The following MGST1 variants were observed in gnomAD, a reference collection of about 807,000 sequenced individuals.
The protein encoded by MGST1 is microsomal glutathione S-transferase 1.
In MGST1, 5 loss-of-function variants were observed where a neutral mutation model predicts 8.9. The observed-to-expected ratio is 0.56, with a 90% CI of 0.29 to 1.19. MGST1 has a LOEUF of 1.19. MGST1 is among the 50% of genes most tolerant of loss of function. MGST1 has a pLI of 0.08. For missense variants in MGST1, 182 were observed against 187.4 expected (o/e 0.97, Z 0.17); for synonymous variants, 54 against 67.8 (o/e 0.80, Z 1.00).
At chr12:16,520,923 G>T (rs997046053) in intron 4 of MGST1, among the ~76,000 whole-genome samples, 1 of 152,064 alleles carries the variant, frequency 6.6e-6, no homozygotes, top group Non-Finnish European at 1.5e-5. Context: ...CTTGGTGAAG[G>T]TCACTTTAAA....
At chr12:16,383,778 A>C (rs2137044307) in intron 1 of MGST1, among the ~76,000 whole-genome samples, 1 of 152,286 alleles carries the variant, frequency 6.6e-6, no homozygotes, top group South Asian at 2.1e-4. Context: ...TCTTTCTTAA[A>C]GTTTGTGTTA....
At position 16,401,646 on chromosome 12, in the gene MGST1, A is replaced by C; in HGVS notation, n.778+18042A>C. 6.3e-7 allele frequency: 1 copy of C among 1,598,922 alleles called. No homozygotes were observed. ...ATACATGTGATTCTTGTCACTCACCACACTGAACTTGAGATTATAGTTGCC... is the reference window on the plus strand; with the variant it reads ...ATACATGTGATTCTTGTCACTCACCCCACTGAACTTGAGATTATAGTTGCC... On this transcript the variant is annotated intron_variant and non_coding_transcript_variant, in intron 1 of 1. Transcript: ENST00000359720. This position sits in a 1 kb window ranked among gnomAD's most constrained non-coding sequence, Gnocchi z 4.3.
At chr12:16,475,960 GA>G (rs796973337) in intron 4 of MGST1, among the ~76,000 whole-genome samples, 153 of 140,328 alleles carry the variant, frequency 1.1e-3, no homozygotes, top group African/African-American at 1.9e-3. Context: ...CGTCTGAAAA[GA>G]AAAAAAAAAA....
In MGST1 at chr12:16,357,647, G is replaced by A; in HGVS notation, c.169G>A (p.Glu57Lys). The change falls in exon 3 of 4, where the codon GAA becomes AAA. Residue 57 changes from glutamate to lysine, a missense_variant. Transcript: ENST00000396210. ...AGACTGTGTAGCATTTGGCAAAGGA[G>A]AAAATGCCAAGAAGTATCTTCGAAC... is the stretch of plus-strand genomic sequence containing the variant. ...PEDCVAFGKG[E>K]NAKKYLRTDD... The A allele has an allele frequency of 6.2e-7, 1 of 1,614,004 alleles. No individual in the cohort carries two copies. Among genetic ancestry groups the A allele is most frequent in the Non-Finnish European group, 8.5e-7 (1 of 1,179,954 alleles).
At chr12:16,435,682 G>A (rs774149842) in intron 1 of MGST1, among the ~76,000 whole-genome samples, 2 of 151,876 alleles carry the variant, frequency 1.3e-5, no homozygotes, top group Non-Finnish European at 2.9e-5. Flanking sequence ...TCAAATCACA[G>A]CTATAATTCT....
At chr12:16,534,942 T>C (rs1051321133) in intron 4 of MGST1, among the ~76,000 whole-genome samples, 1 of 152,140 alleles carries the variant, frequency 6.6e-6, no homozygotes, top group Non-Finnish European at 1.5e-5. Context: ...GGAGAGATGG[T>C]TCTCGGGTGC....
chr12:16,591,749 A>C (rs966417431), downstream of MGST1, among the ~76,000 whole-genome samples: 6 of 152,074 alleles, frequency 3.9e-5, no homozygotes, highest in African/African-American at 9.7e-5. This position sits in a 1 kb window ranked among gnomAD's most constrained non-coding sequence, Gnocchi z 4.1. Context: ...GAAAGTTACA[A>C]GCTAAGTCTG....
Position 16,358,221 on chromosome 12 carries a change from G to T in MGST1, c.221+522G>T, listed in dbSNP as rs146983997. Among the ~76,000 whole-genome samples the T allele has an allele frequency of 1.9e-3, 288 of 152,232 alleles. 2 individuals carry two copies. The highest frequency in any genetic ancestry group is 0.016 in the Admixed American group (247 of 15,278). ...AGCAATAAGCCAAGATACGACTGGG[G>T]TATGATTGTTCCTATCACCCAGGTA... On this transcript the variant is annotated intron_variant, in intron 3 of 3. Transcript: ENST00000396210.
Position 16,576,979 on chromosome 12 carries a change from C to T in MGST1, n.483-12549C>T, listed in dbSNP as rs1345224199. On this transcript the variant is annotated intron_variant and non_coding_transcript_variant, in intron 4 of 4. Transcript: ENST00000538857. This position sits in a 1 kb window ranked among gnomAD's most constrained non-coding sequence, Gnocchi z 4.1. The stretch of plus-strand genomic sequence containing the variant: ...GCAAAGCTATATGAGTAAAACTACA[C>T]TGGAAGCTTGCTAGGCAACATGAGA... Among the ~76,000 whole-genome samples, 1 of 152,188 alleles carries T rather than the reference C, an allele frequency of 6.6e-6. No individual in the cohort carries two copies. The highest frequency in any genetic ancestry group is 1.5e-5 in the Non-Finnish European group (1 of 68,024).
At chr12:16,396,047 T>G (rs1284194883) in intron 1 of MGST1, among the ~76,000 whole-genome samples, 1 of 152,124 alleles carries the variant, frequency 6.6e-6, no homozygotes, top group Non-Finnish European at 1.5e-5. Context: ...CCATAGTGTT[T>G]GTACTAGTTT....
chr12:16,591,265 T>C (rs773017849), downstream of MGST1, among the ~76,000 whole-genome samples: 3 of 151,966 alleles, frequency 2.0e-5, no homozygotes, highest in Non-Finnish European at 2.9e-5. This position sits in a 1 kb window ranked among gnomAD's most constrained non-coding sequence, Gnocchi z 4.1. Flanking sequence ...TCAGGGCCTT[T>C]GTACTGGATG....
chr12:16,491,383 C>T (rs557958219), intron 4 of MGST1, among the ~76,000 whole-genome samples: 2 of 152,146 alleles, frequency 1.3e-5, no homozygotes, highest in African/African-American at 4.8e-5. Flanking sequence ...GCCTAATGGC[C>T]GAGACATAGA....
At chr12:16,451,758 A>G (rs1941131300) in intron 4 of MGST1, among the ~76,000 whole-genome samples, 1 of 151,868 alleles carries the variant, frequency 6.6e-6, no homozygotes, top group African/African-American at 2.4e-5. Context: ...ATGTAATATT[A>G]TTGCATATCT....
At chr12:16,443,690 A>C (rs1941056336), downstream of MGST1, among the ~76,000 whole-genome samples, 1 of 151,906 alleles carries the variant, frequency 6.6e-6, no homozygotes, top group Admixed American at 6.6e-5. Flanking sequence ...ATGGAAGAAA[A>C]TAACTCCCAA....
intron 4 of MGST1, among the ~76,000 whole-genome samples, chr12:16,473,723 G>C (rs1389880646): frequency 6.6e-6 from 1 of 151,914 alleles, no homozygotes. Flanking sequence ...TTGCAAATCA[G>C]TCTCATCACT....
chr12:16,404,690 G>A (rs779833579), intron 1 of MGST1, among the ~76,000 whole-genome samples: 12 of 151,960 alleles, frequency 7.9e-5, no homozygotes, highest in Admixed American at 3.9e-4. Context: ...CCCTATTTTT[G>A]TGTTATTGTC....
At chr12:16,492,198 A>G (rs745691030) in intron 4 of MGST1, among the ~76,000 whole-genome samples, 1 of 152,188 alleles carries the variant, frequency 6.6e-6, no homozygotes, top group African/African-American at 2.4e-5. Flanking sequence ...TTGGTTTCTT[A>G]TTAAGCAAAT....
chr12:16,566,524 ATATGTACC>A (rs1464731961), intron 4 of MGST1, among the ~76,000 whole-genome samples: 4 of 152,166 alleles, frequency 2.6e-5, no homozygotes, highest in African/African-American at 9.7e-5. Context: ...TACCCTAGAA[ATATGTACC>A]ATTATAAGGT....
intron 4 of MGST1, among the ~76,000 whole-genome samples, chr12:16,565,983 CATATATATATATATAT>C (rs61358392): frequency 0.066 from 2,894 of 43,596 alleles, 198 homozygotes; most frequent in Non-Finnish European, 0.085. Flanking sequence ...GAAAATGTGC[CATATATATATATATAT>C]ATATATATAT....
Sources: allele counts gnomAD v4.1 joint callset (sites outside exome capture counted in the v4.1 genomes callset), GRCh38; gene constraint gnomAD v4.1.1; non-coding constraint Gnocchi (gnomAD v3.1); transcripts MANE v1.5; gene names NCBI Gene and HGNC (gene_info 2026-07-23, HGNC 2026-07-21).